CRACDL: variants seen among roughly 807,000 people sequenced by gnomAD.
The protein encoded by CRACDL is CRACD like.
Under a neutral mutation model 70.6 loss-of-function variants are expected in CRACDL, and 26 were observed. That is an observed-to-expected ratio of 0.37 (90% CI 0.27 to 0.51). The LOEUF (loss-of-function observed/expected upper bound fraction) is 0.51, where lower values mean the gene tolerates loss of function less well. CRACDL is among the 20% of genes least tolerant of loss of function. The probability of loss-of-function intolerance (pLI) is 0.94; values close to 1 mark genes in which losing one functional copy is unlikely to be tolerated. For synonymous variants in CRACDL, 618 were observed against 615.2 expected (o/e 1.00, Z -0.07); for missense variants, 1,283 against 1,376.9 (o/e 0.93, Z 1.08).
chr2:98,857,181 G>A (rs540959933), intron 1 of CRACDL, among the ~76,000 whole-genome samples: 18 of 152,222 alleles, frequency 1.2e-4, no homozygotes, highest in South Asian at 2.1e-4. Flanking sequence ...TTATTACCCC[G>A]TTTACAACAC....
At chr2:98,815,941 C>G (rs1273862224) in intron 7 of CRACDL, among the ~76,000 whole-genome samples, 1 of 152,198 alleles carries the variant, frequency 6.6e-6, no homozygotes, top group East Asian at 1.9e-4. Context: ...AGAACTCCAT[C>G]CTGCAGGGAT....
At chr2:98,826,372 G>C (rs1705302304) in intron 6 of CRACDL, among the ~76,000 whole-genome samples, 1 of 152,194 alleles carries the variant, frequency 6.6e-6, no homozygotes, top group East Asian at 1.9e-4. Flanking sequence ...CAACAACTCT[G>C]TGACTAGAAA....
chr2:98,902,262 G>T (rs1006762166), intron 1 of CRACDL, among the ~76,000 whole-genome samples: 8 of 152,168 alleles, frequency 5.3e-5, no homozygotes, highest in Admixed American at 5.2e-4. Context: ...TCTCAGTGCT[G>T]CCAGCCCTGT....
At chr2:98,801,293 A>G (rs1704064116) in intron 7 of CRACDL, among the ~76,000 whole-genome samples, 1 of 152,228 alleles carries the variant, frequency 6.6e-6, no homozygotes. Context: ...ACACCAGGAA[A>G]AAGAGAGAGA....
intron 1 of CRACDL, among the ~76,000 whole-genome samples, chr2:98,927,638 C>T (rs1160310468): frequency 6.6e-6 from 1 of 152,020 alleles, no homozygotes; most frequent in Non-Finnish European, 1.5e-5. Flanking sequence ...GCAAAAAATA[C>T]AAAAACTCAT....
chr2:98,810,255 G>A (rs973607374), intron 7 of CRACDL, among the ~76,000 whole-genome samples: 2 of 152,220 alleles, frequency 1.3e-5, no homozygotes, highest in South Asian at 4.1e-4. Flanking sequence ...GGTATCAGGG[G>A]CGGGGCTGCA....
In CRACDL at chr2:98,822,990, C is replaced by G. The variant is rs2104470014; in HGVS notation, c.1283G>C (p.Arg428Pro). 1.3e-6 allele frequency: 2 copies of G among 1,492,384 alleles called. No homozygotes were observed. Among genetic ancestry groups the G allele is most frequent in the Non-Finnish European group, 8.9e-7 (1 of 1,120,596 alleles). The allele number at this position is 1,492,384 out of a possible 1,614,324, so 92.4% of individuals were successfully genotyped here. A position where few individuals can be genotyped will look rare whatever the true frequency, so the allele number is the denominator to read the frequency against. Reference sequence around the variant, plus strand: ...CGGGACACTGCGTTCTGGCCCGTCGCGAGCAGAGGGCGCCTCTGAGGTGGC... The same window carrying G: ...CGGGACACTGCGTTCTGGCCCGTCGGGAGCAGAGGGCGCCTCTGAGGTGGC... ...PAATSEAPSA[R>P]DGPERSVPKE... Residue 428 changes from arginine to proline, a missense_variant, in exon 7 of 10, where the codon CGC becomes CCC. By Grantham distance (103) the Arg-to-Pro change is moderately radical. Around this residue, in one of 2 missense-constraint regions of CRACDL, gnomAD observed 921 missense variants for 881.9 expected, o/e 1.04. Coordinates refer to ENST00000397899, the MANE Select transcript of CRACDL (RefSeq NM_207362.3). The surrounding 1 kb of genome is among the most constrained non-coding windows in gnomAD (Gnocchi z 4.9).
At chr2:98,915,012 T>C (rs925390830) in intron 1 of CRACDL, among the ~76,000 whole-genome samples, 16 of 152,102 alleles carry the variant, frequency 1.1e-4, no homozygotes, top group Non-Finnish European at 1.9e-4. Context: ...AGACCCAGGG[T>C]CTTGGCACCA....
intron 1 of CRACDL, among the ~76,000 whole-genome samples, chr2:98,926,310 A>C (rs768640258): frequency 1.3e-5 from 2 of 152,164 alleles, no homozygotes; most frequent in African/African-American, 2.4e-5. Flanking sequence ...TAGAAGCATA[A>C]GCCACTGTAC....
chr2:98,854,390 C>T (rs2104556505), intron 1 of CRACDL, among the ~76,000 whole-genome samples: 1 of 147,750 alleles, frequency 6.8e-6, no homozygotes, highest in Admixed American at 7.0e-5. Flanking sequence ...AAAAAATCAT[C>T]AGAACCTATC....
chr2:98,825,495 G>T (rs575518489), intron 6 of CRACDL, among the ~76,000 whole-genome samples: 2 of 152,216 alleles, frequency 1.3e-5, no homozygotes, highest in South Asian at 2.1e-4. Context: ...TAGACACCAC[G>T]CTTCGCTCTG....
chr2:98,889,916 T>A (rs1707919197), intron 1 of CRACDL, among the ~76,000 whole-genome samples: 2 of 152,074 alleles, frequency 1.3e-5, no homozygotes, highest in South Asian at 4.1e-4. Context: ...AACCAATGGA[T>A]CAAAGAAGAA....
intron 3 of CRACDL, among the ~76,000 whole-genome samples, chr2:98,836,178 A>T (rs1705771364): frequency 6.6e-6 from 1 of 152,222 alleles, no homozygotes; most frequent in Non-Finnish European, 1.5e-5. Flanking sequence ...TAAGAAGCAC[A>T]ACCGCACAGA....
intron 1 of CRACDL, among the ~76,000 whole-genome samples, chr2:98,865,496 G>T (rs977551345): frequency 2.6e-5 from 4 of 151,858 alleles, no homozygotes; most frequent in African/African-American, 9.7e-5. Flanking sequence ...TCCCTTTCCT[G>T]GGGAAAAAGA....
chr2:98,883,922 TG>T (rs1360605180), intron 1 of CRACDL, among the ~76,000 whole-genome samples: 3 of 152,202 alleles, frequency 2.0e-5, no homozygotes, highest in Admixed American at 6.5e-5. Context: ...ATGCAGCACA[TG>T]GGCACCCACC....
chr2:98,895,580 G>A (rs946667007), intron 1 of CRACDL, among the ~76,000 whole-genome samples: 2 of 152,180 alleles, frequency 1.3e-5, no homozygotes, highest in Admixed American at 6.5e-5. Context: ...AGCTGGATTA[G>A]GGTGGGGAAG....
At chr2:98,856,448 AC>A (rs1254326288) in intron 1 of CRACDL, among the ~76,000 whole-genome samples, 1 of 152,000 alleles carries the variant, frequency 6.6e-6, no homozygotes, top group African/African-American at 2.4e-5. Context: ...GACCTGTCTT[AC>A]AATAAATATT....
chr2:98,914,642 T>C (rs1453232704), intron 1 of CRACDL, among the ~76,000 whole-genome samples: 3 of 152,182 alleles, frequency 2.0e-5, no homozygotes, highest in African/African-American at 7.2e-5. Context: ...AGCCTTCGCC[T>C]GCTTCTGGGG....
chr2:98,936,037 T>C lies in CRACDL; in HGVS notation c.-110A>G, dbSNP rs1479265279. 6.6e-6 allele frequency: 1 copy of C among 151,976 alleles called. No homozygotes were observed. Among genetic ancestry groups the C allele is most frequent in the Admixed American group, 6.5e-5 (1 of 15,272 alleles). 9.4% of individuals were successfully genotyped at this position (151,976 alleles called of 1,614,324 possible). On this transcript the variant is annotated 5_prime_UTR_variant, in exon 1 of 10. Coordinates refer to ENST00000397899, the MANE Select transcript of CRACDL (RefSeq NM_207362.3). ...GGCTGCTCCCGCCGCGGTGCGCGTC[T>C]AGCCCCAGCCCAAAGCCGGGGCGAC...
Sources: gnomAD v4.1 joint callset for allele counts (sites outside exome capture counted in the v4.1 genomes callset) on GRCh38, gnomAD v4.1.1 for gene constraint, gnomAD v4.1.1 regional missense constraint, Gnocchi (gnomAD v3.1) non-coding constraint, MANE v1.5 for transcripts, NCBI Gene and HGNC (gene_info 2026-07-23, HGNC 2026-07-21) for gene names.